The following GRID2 variants were observed in gnomAD, a reference collection of about 807,000 sequenced individuals.
The protein encoded by GRID2 is glutamate ionotropic receptor delta type subunit 2.
In GRID2, 33 loss-of-function variants were observed where a neutral mutation model predicts 114.8. The observed-to-expected ratio is 0.29, with a 90% CI of 0.22 to 0.38. The LOEUF (loss-of-function observed/expected upper bound fraction) is 0.38. GRID2 is among the 10% of genes least tolerant of loss of function. The probability of loss-of-function intolerance (pLI) is 1.00; values close to 1 mark genes in which losing one functional copy is unlikely to be tolerated. For synonymous variants in GRID2, 505 were observed against 449.9 expected, an observed-to-expected ratio of 1.12 and a Z score of -1.55; for missense variants, 1,184 against 1,257.7, an observed-to-expected ratio of 0.94 and a Z score of 0.89.
chr4:93,664,760 A>G (rs1330227205), intron 14 of GRID2, among the ~76,000 whole-genome samples: 1 of 152,098 alleles, frequency 6.6e-6, no homozygotes, highest in East Asian at 1.9e-4. Flanking sequence ...TAGCTGTGAG[A>G]TCTTGGGCAT....
chr4:92,626,743 G>A (rs773296106), intron 2 of GRID2, among the ~76,000 whole-genome samples: 2 of 152,016 alleles, frequency 1.3e-5, no homozygotes, highest in African/African-American at 2.4e-5. Flanking sequence ...TCACAGAGAA[G>A]ATACCACAAC....
chr4:92,412,007 T>C lies in GRID2; in HGVS notation c.88+107263T>C, dbSNP rs544202015. ...GGCCACAGAGTGTATTTCTTCTTTT[T>C]CTATCTCCTTCATATTTTCAGATCC... On this transcript the variant is annotated intron_variant, in intron 1 of 15. Transcript: ENST00000282020. Among the ~76,000 whole-genome samples the C allele has an allele frequency of 8.7e-4, 133 of 152,100 alleles. 1 individual carries two copies. Among genetic ancestry groups the C allele is most frequent in the African/African-American group, 3.0e-3 (125 of 41,502 alleles).
chr4:93,446,860 AAATAT>A (rs1170069920), intron 10 of GRID2, among the ~76,000 whole-genome samples: 31 of 151,670 alleles, frequency 2.0e-4, no homozygotes, highest in Non-Finnish European at 4.1e-4. Flanking sequence ...CAACTCTATT[AAATAT>A]AATATAAATA....
chr4:92,349,746 G>A (rs1479440377), intron 1 of GRID2, among the ~76,000 whole-genome samples: 1 of 151,742 alleles, frequency 6.6e-6, no homozygotes, highest in African/African-American at 2.4e-5. Context: ...AATTGAGGAT[G>A]TTTGGAATAA....
At chr4:93,006,911 A>G (rs1466705763) in intron 2 of GRID2, among the ~76,000 whole-genome samples, 2 of 152,032 alleles carry the variant, frequency 1.3e-5, no homozygotes, top group Non-Finnish European at 2.9e-5. Flanking sequence ...ACAGCAACCA[A>G]GAAACAACAA....
chr4:93,286,692 GGGGT>G (rs1753195016), intron 8 of GRID2, among the ~76,000 whole-genome samples: 3 of 141,390 alleles, frequency 2.1e-5, no homozygotes, highest in South Asian at 2.1e-4. Flanking sequence ...TGTGTGTGTG[GGGGT>G]GTGTGTGTGT....
At chr4:93,558,356 A>T (rs1734540566) in intron 13 of GRID2, among the ~76,000 whole-genome samples, 1 of 152,118 alleles carries the variant, frequency 6.6e-6, no homozygotes, top group Non-Finnish European at 1.5e-5. Flanking sequence ...TAATAAAGAA[A>T]AAAAGAGAGA....
chr4:92,544,343 A>C (rs1426060070), intron 1 of GRID2, among the ~76,000 whole-genome samples: 1 of 152,158 alleles, frequency 6.6e-6, no homozygotes, highest in Non-Finnish European at 1.5e-5. Flanking sequence ...AATGGCTTTT[A>C]TGCTGTTTGA....
rs577735600 is a variant in GRID2 at position 93,217,029 on chromosome 4, C to T, written c.963+118C>T. 1.3e-4 allele frequency: 87 copies of T among 654,192 alleles called. No individual in the cohort carries two copies. The East Asian group carries it at 2.1e-3, about 16-fold the overall frequency. 40.5% of individuals were successfully genotyped at this position (654,192 alleles called of 1,614,324 possible). ...CGTGTTATTTCTGAACAATTCTCCT[C>T]CAGCAATTTCATAAGTCTAATGGGG... On this transcript the variant is annotated intron_variant, in intron 6 of 15. Transcript: ENST00000282020.
chr4:92,757,503 C>T (rs935564588), intron 2 of GRID2, among the ~76,000 whole-genome samples: 6 of 151,974 alleles, frequency 3.9e-5, no homozygotes, highest in Admixed American at 1.3e-4. Context: ...GGGAAGTTGA[C>T]AAGAAATCAT....
intron 1 of GRID2, among the ~76,000 whole-genome samples, chr4:92,373,387 A>C (rs1579257087): frequency 6.6e-6 from 1 of 152,256 alleles, no homozygotes; most frequent in East Asian, 1.9e-4. Flanking sequence ...TGTTCTATGA[A>C]ATTATCTGTG....
chr4:93,087,427 A>G (rs1405291469), intron 3 of GRID2, among the ~76,000 whole-genome samples: 5 of 152,144 alleles, frequency 3.3e-5, no homozygotes, highest in Non-Finnish European at 5.9e-5. Context: ...GTTTGTTTCC[A>G]AGTCCTACAT....
chr4:92,913,466 A>G (rs1165021734), intron 2 of GRID2, among the ~76,000 whole-genome samples: 1 of 151,938 alleles, frequency 6.6e-6, no homozygotes, highest in East Asian at 1.9e-4. Flanking sequence ...TTTCAAGATT[A>G]TCCTAAATAT....
intron 12 of GRID2, among the ~76,000 whole-genome samples, chr4:93,505,117 TG>T (rs1578144931): frequency 1.3e-5 from 2 of 152,134 alleles, no homozygotes; most frequent in East Asian, 3.9e-4. Flanking sequence ...TTTTAGGGAC[TG>T]GTTTATGTGC....
At chr4:93,708,139 A>G (rs1728168565) in intron 14 of GRID2, among the ~76,000 whole-genome samples, 2 of 151,988 alleles carry the variant, frequency 1.3e-5, no homozygotes, top group Non-Finnish European at 1.5e-5. Context: ...CATGTACTGA[A>G]GAGAAGAATG....
intron 14 of GRID2, among the ~76,000 whole-genome samples, chr4:93,677,179 A>C (rs34909854): frequency 1.3e-5 from 2 of 151,952 alleles, no homozygotes; most frequent in Non-Finnish European, 2.9e-5. Context: ...CTGATTGCTA[A>C]CACAGCAGTC....
intron 2 of GRID2, among the ~76,000 whole-genome samples, chr4:92,935,079 A>G (rs1750555738): frequency 6.8e-6 from 1 of 147,048 alleles, no homozygotes; most frequent in Admixed American, 7.3e-5. Context: ...AGCAGAAGAA[A>G]CTAGCATCAG....
intron 14 of GRID2, among the ~76,000 whole-genome samples, chr4:93,761,718 T>A (rs951163651): frequency 2.6e-5 from 4 of 152,198 alleles, no homozygotes; most frequent in Non-Finnish European, 4.4e-5. Flanking sequence ...AAAAGTTCAA[T>A]TTAAACAAAG....
chr4:93,486,812 C>T (rs565258860), intron 11 of GRID2, among the ~76,000 whole-genome samples: 2 of 151,840 alleles, frequency 1.3e-5, no homozygotes, highest in East Asian at 1.9e-4. Context: ...ATAACTTTGT[C>T]AGGTTTTGTT....
Sources: allele counts gnomAD v4.1 joint callset (sites outside exome capture counted in the v4.1 genomes callset), GRCh38; gene constraint gnomAD v4.1.1; transcripts MANE v1.5; gene names NCBI Gene and HGNC (gene_info 2026-07-23, HGNC 2026-07-21).